TLK2: variants seen among roughly 807,000 people sequenced by gnomAD.
The protein encoded by TLK2 is serine/threonine-protein kinase tousled-like 2.
A neutral mutation model predicts 117.3 loss-of-function variants in TLK2; 6 were observed. The ratio of observed to expected loss-of-function variants is 0.05; its 90% CI spans 0.03 to 0.10. TLK2 has a LOEUF of 0.10. TLK2 is among the 10% of genes least tolerant of loss of function. TLK2 has a pLI of 1.00. For missense variants in TLK2, 299 were observed against 901.2 expected, an observed-to-expected ratio of 0.33 and a Z score of 8.56; for synonymous variants, 257 against 316.7, an observed-to-expected ratio of 0.81 and a Z score of 2.00.
At chr17:62,529,090 G>A (rs1485198252) in intron 6 of TLK2, among the ~76,000 whole-genome samples, 2 of 152,112 alleles carry the variant, frequency 1.3e-5, no homozygotes, top group African/African-American at 4.8e-5. Context: ...ATTTTTGGCT[G>A]TTCTATCAAT....
intron 7 of TLK2, among the ~76,000 whole-genome samples, chr17:62,545,933 T>G (rs903703375): frequency 1.3e-5 from 2 of 152,014 alleles, no homozygotes. Flanking sequence ...GAGGCTGGAG[T>G]GCAGTGGCAT....
intron 9 of TLK2, among the ~76,000 whole-genome samples, chr17:62,557,656 G>T (rs1283655835): frequency 6.6e-6 from 1 of 152,146 alleles, no homozygotes; most frequent in East Asian, 1.9e-4. Context: ...GTTTGTGGGT[G>T]TAAAAAGCTC....
chr17:62,566,631 A>G (rs1304010452), intron 11 of TLK2, among the ~76,000 whole-genome samples: 2 of 152,236 alleles, frequency 1.3e-5, no homozygotes, highest in South Asian at 4.1e-4. Context: ...TAGCAGAGGT[A>G]TCAGGGCAGT....
In TLK2 at chr17:62,574,532, T is replaced by A; in HGVS notation, c.1121+1165T>A. 3 of 652,548 alleles carry A rather than the reference T, an allele frequency of 4.6e-6. No individual in the cohort carries two copies. In the South Asian group the frequency reaches 5.3e-5, roughly 12 times the overall value. 40.4% of individuals were successfully genotyped at this position (652,548 alleles called of 1,614,324 possible). The stretch of plus-strand genomic sequence containing the variant: ...AAATTTTGTTGTTGTTGTTTTTTTT[T>A]TTTGAGACGAAGTCTCACTCCGTCG... On this transcript the variant is annotated intron_variant, in intron 12 of 21. Transcript: ENST00000346027.
At chr17:62,567,528 A>T (rs957425649) in intron 11 of TLK2, among the ~76,000 whole-genome samples, 1 of 152,220 alleles carries the variant, frequency 6.6e-6, no homozygotes, top group African/African-American at 2.4e-5. Flanking sequence ...GCTGATGTCT[A>T]TTAATTATAG....
chr17:62,500,064 T>C (rs559522677), intron 2 of TLK2, among the ~76,000 whole-genome samples: 1 of 152,110 alleles, frequency 6.6e-6, no homozygotes, highest in African/African-American at 2.4e-5. Flanking sequence ...CGAGTCTTTA[T>C]TATTATTATT....
At chr17:62,478,226 C>A (rs955281038), upstream of TLK2, 2 of 151,234 alleles carry the variant, frequency 1.3e-5, no homozygotes, top group Non-Finnish European at 3.0e-5. Context: ...GAAGTCCGGG[C>A]GGGGTCCGCC....
chr17:62,534,558 A>G (rs2076979328), intron 6 of TLK2, among the ~76,000 whole-genome samples: 1 of 151,988 alleles, frequency 6.6e-6, no homozygotes, highest in Non-Finnish European at 1.5e-5. Flanking sequence ...ATTTTAGTGT[A>G]TTTATTTTGT....
intron 2 of TLK2, among the ~76,000 whole-genome samples, chr17:62,490,397 T>C (rs1384997004): frequency 6.6e-6 from 1 of 152,340 alleles, no homozygotes; most frequent in Admixed American, 6.5e-5. Flanking sequence ...GAGTCACTCT[T>C]ATCCTGAGGG....
intron 9 of TLK2, among the ~76,000 whole-genome samples, chr17:62,558,497 A>G (rs967621326): frequency 2.6e-5 from 4 of 152,210 alleles, no homozygotes; most frequent in African/African-American, 9.7e-5. Context: ...CTCCTCGAAG[A>G]CATTAGTGTC....
At chr17:62,479,527 A>C (rs940517712) in intron 1 of TLK2, among the ~76,000 whole-genome samples, 6 of 151,674 alleles carry the variant, frequency 4.0e-5, no homozygotes, top group African/African-American at 1.5e-4. Flanking sequence ...CGGCGGCCGG[A>C]GGAGAGACGG....
At chr17:62,503,246 G>A (rs2074370566) in intron 2 of TLK2, among the ~76,000 whole-genome samples, 1 of 151,726 alleles carries the variant, frequency 6.6e-6, no homozygotes, top group Non-Finnish European at 1.5e-5. Context: ...TTTTAGTAGA[G>A]ACGGGGTTTC....
At chr17:62,501,109 G>T (rs1021873317) in intron 2 of TLK2, among the ~76,000 whole-genome samples, 1 of 152,100 alleles carries the variant, frequency 6.6e-6, no homozygotes, top group African/African-American at 2.4e-5. Context: ...GTGGTGGCAG[G>T]TGCCTGTAGT....
chr17:62,586,618 G>C (rs1002715178), intron 16 of TLK2, among the ~76,000 whole-genome samples: 1 of 151,978 alleles, frequency 6.6e-6, no homozygotes, highest in Admixed American at 6.6e-5. Context: ...TCAGGAGATC[G>C]AGACCATCCT....
intron 15 of TLK2, among the ~76,000 whole-genome samples, chr17:62,584,984 A>G (rs1284972261): frequency 6.6e-6 from 1 of 152,234 alleles, no homozygotes; most frequent in African/African-American, 2.4e-5. Context: ...AACTAAGAAA[A>G]ACTATTCTAA....
At chr17:62,596,528 A>G in intron 16 of TLK2, 57 bp from the exon 17 acceptor site, 1 of 1,261,326 alleles carries the variant, frequency 7.9e-7, no homozygotes. Context: ...GGATCTTTGA[A>G]GAGTTCTAAA....
At chr17:62,598,302 C>A (rs2082627512) in intron 17 of TLK2, among the ~76,000 whole-genome samples, 1 of 152,164 alleles carries the variant, frequency 6.6e-6, no homozygotes, top group Admixed American at 6.5e-5. Context: ...ATATCAGGCT[C>A]AAATTATCTG....
At chr17:62,533,438 C>T (rs1480425630) in intron 6 of TLK2, among the ~76,000 whole-genome samples, 1 of 122,346 alleles carries the variant, frequency 8.2e-6, no homozygotes, top group East Asian at 2.3e-4. Context: ...CAGGGTCTTG[C>T]TGTGTAGCCC....
chr17:62,612,313 A>G (rs1026583210), intron 21 of TLK2, 79 bp from the exon 22 acceptor site: 15 of 1,478,314 alleles, frequency 1.0e-5, no homozygotes, highest in Non-Finnish European at 1.3e-5. Flanking sequence ...GGGCCCTGGC[A>G]GCCGATAGAG....
Sources: allele counts gnomAD v4.1 joint callset (sites outside exome capture counted in the v4.1 genomes callset), GRCh38; gene constraint gnomAD v4.1.1; transcripts MANE v1.5; gene names NCBI Gene and HGNC (gene_info 2026-07-23, HGNC 2026-07-21).